Variants in LETM1 observed in about 807,000 individuals in gnomAD.
The protein encoded by LETM1 is leucine zipper and EF-hand containing transmembrane protein 1.
A neutral mutation model predicts 74.5 loss-of-function variants in LETM1; 50 were observed. The observed-to-expected ratio is 0.67, with a 90% CI of 0.53 to 0.85. The LOEUF is 0.85. Among genes scored for constraint, LETM1 ranks in the 40% least tolerant of loss-of-function variants. The pLI, the probability that LETM1 is intolerant of heterozygous loss-of-function variation, is 0.00. For missense variants in LETM1, 824 were observed against 967.8 expected (o/e 0.85, Z 1.97); for synonymous variants, 446 against 407.1 (o/e 1.10, Z -1.15).
intron 4 of LETM1, 111 bp from the exon 5 acceptor site, chr4:1,835,093 A>G: frequency 2.0e-6 from 2 of 979,852 alleles, no homozygotes; most frequent in South Asian, 1.6e-5. Flanking sequence ...TTCACAACAC[A>G]CTGACTCTCA....
intron 7 of LETM1, among the ~76,000 whole-genome samples, chr4:1,824,386 C>T (rs962583769): frequency 2.0e-5 from 3 of 152,188 alleles, no homozygotes; most frequent in African/African-American, 4.8e-5. Flanking sequence ...TCACTGAGGC[C>T]GGTCAGCACT....
intron 8 of LETM1, 40 bp downstream of exon 8, chr4:1,823,604 A>G: frequency 6.2e-7 from 1 of 1,609,586 alleles, no homozygotes; most frequent in East Asian, 2.2e-5. Context: ...GGAGCCACCT[A>G]TGAAGAGATG....
chr4:1,850,462 C>T (rs899442696), intron 1 of LETM1, among the ~76,000 whole-genome samples: 3 of 151,980 alleles, frequency 2.0e-5, no homozygotes, highest in African/African-American at 7.3e-5. Flanking sequence ...ATGCAGACAG[C>T]CCTATAGAGC....
Position 1,814,263 on chromosome 4 carries a change from G to A in LETM1, c.*161C>T, listed in dbSNP as rs4865477. ...GGGATTCCAGACAGACTGAATCTCC[G>A]TGGAATGATGAAAATTAAAATTTAC... On this transcript the variant is annotated 3_prime_UTR_variant, in exon 14 of 14. Coordinates refer to ENST00000302787, the MANE Select transcript of LETM1 (RefSeq NM_012318.3). The A allele has an allele frequency of 0.98, 1,121,738 of 1,149,022 alleles. 550,232 individuals are homozygous for A. Among genetic ancestry groups the A allele is most frequent in the Non-Finnish European group, 1 (799,725 of 802,918 alleles). The allele number at this position is 1,149,022 out of a possible 1,614,324, so 71.2% of individuals were successfully genotyped here.
chr4:1,842,984 C>T lies in LETM1; in HGVS notation c.144-1187G>A, dbSNP rs776276173. On this transcript the variant is annotated intron_variant, in intron 2 of 13. Transcript: ENST00000302787. ...CTCCCCTGCTGATTGGACACAAATC[C>T]CCCCGGGTGGCCCGAGCTCACCTAA... 1.1e-4 allele frequency: 38 copies of T among 331,724 alleles called. 1 individual carries two copies. The highest frequency in any genetic ancestry group is 8.8e-4 in the South Asian group (37 of 42,188). The allele number at this position is 331,724 out of a possible 1,614,324, so 20.5% of individuals were successfully genotyped here. A position where few individuals can be genotyped will look rare whatever the true frequency, so the allele number is the denominator to read the frequency against.
At chr4:1,831,202 C>A (rs184405261) in intron 6 of LETM1, among the ~76,000 whole-genome samples, 126 of 152,326 alleles carry the variant, frequency 8.3e-4, no homozygotes, top group Non-Finnish European at 1.3e-3. Flanking sequence ...CTCTCAATGG[C>A]ATTGACCTCT....
At chr4:1,855,781 C>T in intron 1 of LETM1, 88 bp downstream of exon 1, 2 of 827,676 alleles carry the variant, frequency 2.4e-6, no homozygotes, top group Non-Finnish European at 3.2e-6. Context: ...CCCGCATCGC[C>T]GTGACAACCA....
chr4:1,855,924 G>A lies in LETM1; in HGVS notation c.27C>T (p.Cys9=). The change falls in exon 1 of 14, where the codon TGC becomes TGT. Residue 9 remains cysteine (C), a synonymous_variant. Transcript: ENST00000302787. ...GGAGGCGGGCGGGCGCCCGGCCGCG[G>A]CAGCTCCTCAGTAAGATGGACGCCA... is the stretch of plus-strand genomic sequence containing the variant. The part of the protein sequence containing the change: MASILLRS[C]RGRAPARLPP... The A allele has an allele frequency of 8.1e-7, 1 of 1,237,168 alleles. No homozygotes were observed. The highest frequency in any genetic ancestry group is 1.6e-5 in the African/African-American group (1 of 63,668). 76.6% of individuals were successfully genotyped at this position (1,237,168 alleles called of 1,614,324 possible).
At chr4:1,837,051 T>C (rs1577321392) in intron 3 of LETM1, among the ~76,000 whole-genome samples, 4 of 152,206 alleles carry the variant, frequency 2.6e-5, no homozygotes, top group Admixed American at 1.3e-4. Flanking sequence ...AAGTATTTCA[T>C]TGACATAAAC....
intron 1 of LETM1, among the ~76,000 whole-genome samples, chr4:1,853,490 C>T (rs1490200060): frequency 2.0e-5 from 3 of 152,156 alleles, no homozygotes; most frequent in Non-Finnish European, 2.9e-5. Flanking sequence ...ACCATCTTTC[C>T]CAGCTTAATT....
chr4:1,819,307 T>C (rs1191475657), intron 11 of LETM1, 31 bp downstream of exon 11: 2 of 1,584,160 alleles, frequency 1.3e-6, no homozygotes, highest in Non-Finnish European at 1.7e-6. Context: ...CTTCTTGCAG[T>C]CTCAGAGTCC....
intron 1 of LETM1, among the ~76,000 whole-genome samples, chr4:1,851,983 C>T (rs1013069530): frequency 2.0e-5 from 3 of 152,244 alleles, no homozygotes; most frequent in Non-Finnish European, 4.4e-5. Flanking sequence ...GGGATCATTG[C>T]TCCACGTCCC....
chr4:1,819,543 C>A lies in LETM1; in HGVS notation c.1609-71G>T, dbSNP rs1025851188. On this transcript the variant is annotated intron_variant, in intron 10 of 13. Coordinates refer to ENST00000302787, the MANE Select transcript of LETM1 (RefSeq NM_012318.3). ...AACTGGCCTGTTCCCAAGTGACCAG[C>A]TGCTCTGTTCATATTATACGGGCAG... The A allele has an allele frequency of 7.3e-6, 11 of 1,516,864 alleles. No homozygotes were observed. The African/African-American group carries it at 1.4e-4, about 19-fold the overall frequency. 94.0% of individuals were successfully genotyped at this position (1,516,864 alleles called of 1,614,324 possible). A position where few individuals can be genotyped will look rare whatever the true frequency, so the allele number is the denominator to read the frequency against.
Position 1,819,395 on chromosome 4 carries a change from G to A in LETM1, c.1686C>T (p.Leu562=), listed in dbSNP as rs1312603757. ...CSKLQEQKKS[L]TKEKEELELL... ...GCTCCAGCTCCTCCTTCTCCTTGGT[G>A]AGTGACTTCTTCTGCTCCTGCAGCT... The change falls in exon 11 of 14, where the codon CTC becomes CTT. Residue 562 remains leucine (L), a synonymous_variant. Transcript: ENST00000302787. The A allele has an allele frequency of 6.2e-7, 1 of 1,613,840 alleles. No individual in the cohort carries two copies. The highest frequency in any genetic ancestry group is 1.3e-5 in the African/African-American group (1 of 74,980).
intron 1 of LETM1, among the ~76,000 whole-genome samples, chr4:1,850,732 A>G (rs1222630155): frequency 6.6e-6 from 1 of 151,622 alleles, no homozygotes; most frequent in African/African-American, 2.4e-5. Flanking sequence ...TGGGAGGCTG[A>G]GGCGGGTGGA....
In LETM1 at chr4:1,834,929, G is replaced by C; in HGVS notation, c.792C>G (p.Leu264=). ...LRVKLELAKF[L]QDTIEEMALK... ...AGGCCATCTCCTCGATGGTGTCCTG[G>C]AGGAACTTGGCCAGCTCCAGCTTGA... Residue 264 remains leucine, a synonymous_variant, in exon 5 of 14, where the codon CTC becomes CTG. Transcript: ENST00000302787. The surrounding 1 kb of genome is among the most constrained non-coding windows in gnomAD (Gnocchi z 5.0). The C allele has an allele frequency of 6.2e-7, 1 of 1,614,144 alleles. No homozygotes were observed. Among genetic ancestry groups the C allele is most frequent in the South Asian group, 1.1e-5 (1 of 91,086 alleles).
chr4:1,826,181 A>C (rs943497122), intron 6 of LETM1, among the ~76,000 whole-genome samples: 1 of 152,254 alleles, frequency 6.6e-6, no homozygotes, highest in African/African-American at 2.4e-5. Context: ...CAAGGCATAC[A>C]GGGAGCAACA....
At chr4:1,823,804 G>C (rs753100711) in intron 7 of LETM1, 29 bp from the exon 8 acceptor site, 2 of 1,589,760 alleles carry the variant, frequency 1.3e-6, no homozygotes, top group Admixed American at 3.4e-5. Flanking sequence ...TCAGCAGATG[G>C]GCAGCCCCCC....
chr4:1,836,537 C>T lies in LETM1; in HGVS notation c.630G>A (p.Val210=). Residue 210 remains valine (V), a synonymous_variant, in exon 4 of 14, where the codon GTG becomes GTA. Transcript: ENST00000302787. This position sits in a 1 kb window ranked among gnomAD's most constrained non-coding sequence, Gnocchi z 5.8. ...GCACCACCACGAACACAAGGAACGG[C>T]ACCAGGCGGAAGAGGTCAGCGCAGA... ...LRICADLFRL[V]PFLVFVVVPF... The T allele has an allele frequency of 6.2e-7, 1 of 1,613,958 alleles. No homozygotes were observed. Among genetic ancestry groups the T allele is most frequent in the South Asian group, 1.1e-5 (1 of 91,068 alleles).
Sources: gnomAD v4.1 joint callset for allele counts (sites outside exome capture counted in the v4.1 genomes callset) on GRCh38, gnomAD v4.1.1 for gene constraint, Gnocchi (gnomAD v3.1) non-coding constraint, MANE v1.5 for transcripts, NCBI Gene and HGNC (gene_info 2026-07-23, HGNC 2026-07-21) for gene names.